PCDHA11: variants seen among roughly 807,000 people sequenced by gnomAD.
The protein encoded by PCDHA11 is protocadherin alpha-11.
In PCDHA11, 61 loss-of-function variants were observed where a neutral mutation model predicts 70.3. The ratio of observed to expected loss-of-function variants is 0.87; its 90% CI spans 0.71 to 1.07. The LOEUF (loss-of-function observed/expected upper bound fraction) is 1.07. PCDHA11 is among the 50% of genes least tolerant of loss of function. The pLI is 0.00. For missense variants in PCDHA11, 1,324 were observed against 1,237.5 expected (o/e 1.07, Z -1.05); for synonymous variants, 633 against 555.1 (o/e 1.14, Z -1.97).
At position 140,869,723 on chromosome 5, in the gene PCDHA11, A is replaced by C. The variant is rs782155135; in HGVS notation, c.620A>C (p.Glu207Ala). ...KKSLDREKTPELNLLLTATDG... is the reference protein window; with the variant it reads ...KKSLDREKTPALNLLLTATDG... ...TCTCTGGATAGAGAGAAAACTCCGG[A>C]ACTTAATTTGCTGCTAACAGCTACA... The change falls in exon 1 of 4, where the codon GAA becomes GCA. Residue 207 changes from glutamate to alanine, a missense_variant. Coordinates refer to ENST00000398640, the MANE Select transcript of PCDHA11 (RefSeq NM_018902.5). The C allele has an allele frequency of 5.0e-6, 8 of 1,613,430 alleles. No individual in the cohort carries two copies. The highest frequency in any genetic ancestry group is 6.8e-6 in the Non-Finnish European group (8 of 1,179,864).
chr5:140,964,894 T>C (rs754817292), intron 1 of PCDHA11, among the ~76,000 whole-genome samples: 8 of 152,210 alleles, frequency 5.3e-5, no homozygotes, highest in Non-Finnish European at 1.2e-4. Flanking sequence ...GATAGGAGGC[T>C]GGGCGCTTCT....
chr5:141,011,745 A>G lies in PCDHA11; in HGVS notation c.*1808A>G, dbSNP rs1378591918. 3 of 153,762 alleles carry G rather than the reference A, an allele frequency of 2.0e-5. No individual in the cohort carries two copies. The highest frequency in any genetic ancestry group is 1.9e-4 in the East Asian group (1 of 5,196). 9.5% of individuals were successfully genotyped at this position (153,762 alleles called of 1,614,324 possible). ...GGGTGTGCAAGCACAAATTTTACCA[A>G]TCTGACCTCTTTGAAGTTGCAGAAT... On this transcript the variant is annotated 3_prime_UTR_variant, in exon 4 of 4. Coordinates refer to ENST00000398640, the MANE Select transcript of PCDHA11 (RefSeq NM_018902.5).
intron 1 of PCDHA11, among the ~76,000 whole-genome samples, chr5:140,973,346 T>C (rs1554235179): frequency 1.3e-5 from 2 of 152,198 alleles, no homozygotes; most frequent in Non-Finnish European, 2.9e-5. Flanking sequence ...AGTGACATAG[T>C]AGTGAATTTA....
intron 1 of PCDHA11, among the ~76,000 whole-genome samples, chr5:140,972,062 A>G (rs1398109338): frequency 6.6e-6 from 1 of 152,246 alleles, no homozygotes; most frequent in Admixed American, 6.5e-5. Flanking sequence ...AGTCGTATAT[A>G]TTAACTGCTT....
intron 3 of PCDHA11, among the ~76,000 whole-genome samples, chr5:140,988,428 G>A (rs1186229744): frequency 6.6e-6 from 1 of 152,160 alleles, no homozygotes; most frequent in Non-Finnish European, 1.5e-5. Context: ...GAATTTGTTT[G>A]TTTTGGATTG....
At chr5:140,914,613 G>A (rs2076780862) in intron 1 of PCDHA11, among the ~76,000 whole-genome samples, 1 of 151,852 alleles carries the variant, frequency 6.6e-6, no homozygotes, top group Non-Finnish European at 1.5e-5. Flanking sequence ...CTGCCATTTT[G>A]TAATTTGTTT....
chr5:141,010,025 A>G lies in PCDHA11; in HGVS notation c.*88A>G. The G allele has an allele frequency of 6.4e-7, 1 of 1,573,940 alleles. No homozygotes were observed. The highest frequency in any genetic ancestry group is 2.2e-5 in the East Asian group (1 of 44,636). ...TAGCAATTCCCTGCTCCTTTTTCCT[A>G]TCTACATGAGCCCTCTTAGAGACCT... On this transcript the variant is annotated 3_prime_UTR_variant, in exon 4 of 4. Transcript: ENST00000398640.
At chr5:140,892,827 A>G (rs1304427197) in intron 1 of PCDHA11, among the ~76,000 whole-genome samples, 3 of 152,188 alleles carry the variant, frequency 2.0e-5, no homozygotes, top group African/African-American at 7.2e-5. Context: ...ACAGTGCTAC[A>G]GTGCTGCAAA....
chr5:140,913,107 CA>C (rs2076210472), intron 1 of PCDHA11, among the ~76,000 whole-genome samples: 1 of 152,078 alleles, frequency 6.6e-6, no homozygotes, highest in South Asian at 2.1e-4. Context: ...CTCATAGAAT[CA>C]GTTTGGAAGT....
intron 1 of PCDHA11, among the ~76,000 whole-genome samples, chr5:140,899,914 C>A (rs1408569942): frequency 2.0e-5 from 3 of 151,952 alleles, no homozygotes; most frequent in Admixed American, 6.6e-5. Flanking sequence ...CTCAAGCAAT[C>A]CTCCTGCCTC....
At chr5:140,948,564 T>C (rs1329949756) in intron 1 of PCDHA11, among the ~76,000 whole-genome samples, 1 of 151,688 alleles carries the variant, frequency 6.6e-6, no homozygotes, top group Non-Finnish European at 1.5e-5. Flanking sequence ...TTAAGTTGTA[T>C]TTTTTAAAGG....
At chr5:140,928,034 G>A in intron 1 of PCDHA11, 1 of 1,614,206 alleles carries the variant, frequency 6.2e-7, no homozygotes, top group South Asian at 1.1e-5. Flanking sequence ...GGCATGTCTA[G>A]TGCAGGCCCT....
chr5:140,924,238 T>A (rs781820581), intron 1 of PCDHA11, among the ~76,000 whole-genome samples: 5 of 152,244 alleles, frequency 3.3e-5, no homozygotes, highest in Admixed American at 1.3e-4. Flanking sequence ...ATGGGCTGTT[T>A]TGCATCCTGG....
rs1554213921 is a variant in PCDHA11 at position 140,941,202 on chromosome 5, C to CTTTCTTTCTTTCTTT, written c.2392-37747_2392-37746insTTTCTTTCTTTCTTT. Among the ~76,000 whole-genome samples the CTTTCTTTCTTTCTTT allele has an allele frequency of 5.9e-3, 725 of 122,798 alleles. 27 individuals are homozygous for CTTTCTTTCTTTCTTT. The highest frequency in any genetic ancestry group is 0.024 in the East Asian group (107 of 4,522). The allele number at this position is 122,798 out of a possible 152,430, so 80.6% of individuals were successfully genotyped here. ...TCCTGCTTCTTTTTTTTTCTTTCTTCCTTTCTTTCTTCCTTTCTTTCTTTC... is the reference window on the plus strand; with the variant it reads ...TCCTGCTTCTTTTTTTTTCTTTCTTCTTTCTTTCTTTCTTTCTTTCTTTCTTCCTTTCTTTCTTTC... On this transcript the variant is annotated intron_variant, in intron 1 of 3. Coordinates refer to ENST00000398640, the MANE Select transcript of PCDHA11 (RefSeq NM_018902.5).
chr5:140,876,970 G>C, intron 1 of PCDHA11: 1 of 1,612,850 alleles, frequency 6.2e-7, no homozygotes. Context: ...GCGGCGGGTG[G>C]GCGAGCACGC....
At chr5:140,938,158 C>G (rs1308976624) in intron 1 of PCDHA11, among the ~76,000 whole-genome samples, 1 of 152,112 alleles carries the variant, frequency 6.6e-6, no homozygotes, top group African/African-American at 2.4e-5. Flanking sequence ...ATTGCCCAGG[C>G]TAGTCTGGAG....
chr5:140,967,181 T>C (rs782433025), intron 1 of PCDHA11: 4 of 1,613,136 alleles, frequency 2.5e-6, no homozygotes, highest in East Asian at 2.2e-5. Context: ...GGTGGAAATA[T>C]TGGACATCAA....
intron 1 of PCDHA11, among the ~76,000 whole-genome samples, chr5:140,924,894 C>CAAAAAAA (rs782133089): frequency 2.8e-5 from 2 of 71,470 alleles, no homozygotes; most frequent in African/African-American, 8.5e-5. Flanking sequence ...GAACCTGTCT[C>CAAAAAAA]AAAAAAAAAA....
intron 3 of PCDHA11, among the ~76,000 whole-genome samples, chr5:141,001,681 A>G (rs2153971146): frequency 6.6e-6 from 1 of 151,672 alleles, no homozygotes; most frequent in East Asian, 2.0e-4. Context: ...GGTCCAACAA[A>G]CCCCACAGAT....
Sources: gnomAD v4.1 joint callset for allele counts (sites outside exome capture counted in the v4.1 genomes callset) on GRCh38, gnomAD v4.1.1 for gene constraint, MANE v1.5 for transcripts, NCBI Gene and HGNC (gene_info 2026-07-23, HGNC 2026-07-21) for gene names.